KATNAL2: variants seen among roughly 807,000 people sequenced by gnomAD.
KATNAL2 encodes katanin p60 ATPase-containing subunit A-like 2.
KATNAL2 carries 52 observed loss-of-function variants against 76.3 expected under a neutral mutation model. The observed-to-expected ratio is 0.68, with a 90% confidence interval of 0.55 to 0.86. The LOEUF is 0.86. Ranked by LOEUF, KATNAL2 falls within the 40% of genes least tolerant of loss-of-function variation. KATNAL2 has a pLI of 0.00. For missense variants in KATNAL2, 660 were observed against 668.9 expected (o/e 0.99, Z 0.15); for synonymous variants, 243 against 244.2 (o/e 1.00, Z 0.05).
chr18:47,084,720 G>A (rs187961409), intron 15 of KATNAL2, among the ~76,000 whole-genome samples: 7 of 151,740 alleles, frequency 4.6e-5, no homozygotes, highest in Admixed American at 2.6e-4. Context: ...GTTGTGGCAC[G>A]TGCTTGTAGT....
chr18:47,057,854 T>C (rs2061515396), intron 6 of KATNAL2, among the ~76,000 whole-genome samples: 1 of 152,220 alleles, frequency 6.6e-6, no homozygotes, highest in African/African-American at 2.4e-5. Flanking sequence ...CTCCTTTCTC[T>C]CTCACACCTT....
intron 4 of KATNAL2, 80 bp from the exon 5 acceptor site, chr18:47,052,800 C>T (rs2061372929): frequency 4.5e-6 from 5 of 1,102,236 alleles, no homozygotes; most frequent in Admixed American, 5.5e-5. Flanking sequence ...GTATTGCATC[C>T]CTTTAGACTT....
intron 3 of KATNAL2, among the ~76,000 whole-genome samples, chr18:46,955,138 C>CTT (rs1157899977): frequency 2.3e-3 from 294 of 129,064 alleles, no homozygotes; most frequent in Middle Eastern, 3.7e-3. Context: ...TTCTTTCTCT[C>CTT]TCTCTTTCTT....
At chr18:47,089,213 T>A (rs2062899091) in intron 15 of KATNAL2, among the ~76,000 whole-genome samples, 1 of 152,168 alleles carries the variant, frequency 6.6e-6, no homozygotes, top group African/African-American at 2.4e-5. Context: ...CCTCTTTATT[T>A]TTGGCCCTTG....
rs146318824 is a variant in KATNAL2 at position 46,936,380 on chromosome 18, T to A, written c.-509-9677T>A. Among the ~76,000 whole-genome samples the A allele has an allele frequency of 4.1e-3, 628 of 152,146 alleles. 3 individuals carry two copies. Among genetic ancestry groups the A allele is most frequent in the Non-Finnish European group, 6.6e-3 (451 of 68,002 alleles). ...AGTCTGTGCACAATTAAGCTAGAAG[T>A]CAATAATGAATAATAACCAGAAAAT... On this transcript the variant is annotated intron_variant, in intron 1 of 17. Transcript: ENST00000683218.
chr18:47,039,377 G>T (rs910417032), intron 3 of KATNAL2, among the ~76,000 whole-genome samples: 1 of 151,968 alleles, frequency 6.6e-6, no homozygotes, highest in African/African-American at 2.4e-5. Flanking sequence ...CCCTTTACCT[G>T]CCATCCCCTC....
intron 3 of KATNAL2, among the ~76,000 whole-genome samples, chr18:46,955,864 T>C (rs1375256537): frequency 6.6e-6 from 1 of 152,160 alleles, no homozygotes; most frequent in East Asian, 1.9e-4. Context: ...GGGTCATAGA[T>C]TTTTTATTCC....
rs1202653945 is a variant in KATNAL2 at position 47,082,073 on chromosome 18, C to G, written c.1211+4612C>G. Among the ~76,000 whole-genome samples the G allele has an allele frequency of 2.0e-5, 3 of 152,170 alleles. No homozygotes were observed. The South Asian group carries it at 6.2e-4, about 32-fold the overall frequency. ...TTTATCCCAATATGTACAAATACTG[C>G]ATATGTGTGTATATCACAGAGCTTC... On this transcript the variant is annotated intron_variant, in intron 15 of 17. Transcript: ENST00000683218.
At chr18:46,966,350 GT>G (rs1159093157) in intron 3 of KATNAL2, among the ~76,000 whole-genome samples, 1 of 95,766 alleles carries the variant, frequency 1.0e-5, no homozygotes, top group Non-Finnish European at 2.3e-5. Context: ...TTGTGCGGGG[GT>G]TGTTTCCTTT....
At chr18:47,044,913 C>T (rs1230505601) in intron 3 of KATNAL2, among the ~76,000 whole-genome samples, 1 of 152,056 alleles carries the variant, frequency 6.6e-6, no homozygotes, top group East Asian at 1.9e-4. Context: ...GTGAGACTCT[C>T]ATCTCTACAA....
chr18:47,084,273 T>G lies in KATNAL2; in HGVS notation c.1211+6812T>G, dbSNP rs2062662873. 4.3e-6 allele frequency: 3 copies of G among 698,502 alleles called. No homozygotes were observed. In the South Asian group the frequency reaches 4.5e-5, roughly 10 times the overall value. 43.3% of individuals were successfully genotyped at this position (698,502 alleles called of 1,614,324 possible). A position where few individuals can be genotyped will look rare whatever the true frequency, so the allele number is the denominator to read the frequency against. On this transcript the variant is annotated intron_variant, in intron 15 of 17. Transcript: ENST00000683218. ...CTCTCCTGCTGGTGTAACATTGCTA[T>G]AGCAATGCATGCATGTGATTGGAGG...
At chr18:46,934,110 G>A (rs766547353) in intron 1 of KATNAL2, among the ~76,000 whole-genome samples, 7 of 152,134 alleles carry the variant, frequency 4.6e-5, no homozygotes, top group Non-Finnish European at 7.4e-5. Context: ...ATAAACACAC[G>A]TGTGCGTGTG....
At chr18:47,081,613 T>C (rs1020560683) in intron 15 of KATNAL2, among the ~76,000 whole-genome samples, 2 of 152,236 alleles carry the variant, frequency 1.3e-5, no homozygotes, top group African/African-American at 4.8e-5. Flanking sequence ...TCCCTCATGC[T>C]GCTGTGGCAG....
At chr18:47,083,962 C>T (rs1196684270) in intron 15 of KATNAL2, among the ~76,000 whole-genome samples, 2 of 152,142 alleles carry the variant, frequency 1.3e-5, no homozygotes, top group South Asian at 2.1e-4. Flanking sequence ...CTAGAAATCC[C>T]AGCAACTCTC....
intron 3 of KATNAL2, among the ~76,000 whole-genome samples, chr18:47,031,235 G>A (rs1280613505): frequency 6.6e-6 from 1 of 151,308 alleles, no homozygotes; most frequent in Non-Finnish European, 1.5e-5. Context: ...GGAAAGGCTT[G>A]CTCTGGTCTG....
At chr18:47,088,719 A>G (rs995368591) in intron 15 of KATNAL2, among the ~76,000 whole-genome samples, 2 of 152,162 alleles carry the variant, frequency 1.3e-5, no homozygotes, top group African/African-American at 2.4e-5. Context: ...GTGTGCCACC[A>G]CACCCGGCTA....
At chr18:47,054,573 C>T (rs1335343764) in intron 6 of KATNAL2, 135 bp downstream of exon 6, 1 of 836,954 alleles carries the variant, frequency 1.2e-6, no homozygotes, top group Admixed American at 2.2e-5. Context: ...CTGGCCCAGC[C>T]CAGGACTTCT....
intron 3 of KATNAL2, chr18:47,035,326 G>A (rs1037688427): frequency 6.2e-7 from 1 of 1,607,746 alleles, no homozygotes; most frequent in African/African-American, 1.3e-5. Context: ...TGGGGCTGCG[G>A]GACAGGAAGT....
At chr18:47,099,183 G>C in intron 15 of KATNAL2, 60 bp from the exon 16 acceptor site, 3 of 1,516,664 alleles carry the variant, frequency 2.0e-6, no homozygotes, top group Non-Finnish European at 2.7e-6. Flanking sequence ...TTAAAGTACA[G>C]TTGTTGTTCA....
Sources: allele counts gnomAD v4.1 joint callset (sites outside exome capture counted in the v4.1 genomes callset), GRCh38; gene constraint gnomAD v4.1.1; transcripts MANE v1.5; gene names NCBI Gene and HGNC (gene_info 2026-07-23, HGNC 2026-07-21).